Variants in DCAF1 observed in about 807,000 individuals in gnomAD.
The protein encoded by DCAF1 is DDB1- and CUL4-associated factor 1.
DCAF1 carries 15 observed loss-of-function variants against 128.0 expected under a neutral mutation model. The observed-to-expected ratio is 0.12, with a 90% CI of 0.08 to 0.18. DCAF1 has a LOEUF of 0.18. Among genes scored for constraint, DCAF1 ranks in the 10% least tolerant of loss-of-function variants. DCAF1 has a pLI of 1.00. For synonymous variants in DCAF1, 610 were observed against 603.0 expected, an observed-to-expected ratio of 1.01 and a Z score of -0.17; for missense variants, 988 against 1,649.5, an observed-to-expected ratio of 0.60 and a Z score of 6.95.
intron 6 of DCAF1, among the ~76,000 whole-genome samples, chr3:51,449,741 A>C (rs1402562410): frequency 6.6e-6 from 1 of 152,204 alleles, no homozygotes; most frequent in Non-Finnish European, 1.5e-5. Flanking sequence ...AAAATTGACA[A>C]ACTTTTGGCA....
Position 51,398,081 on chromosome 3 carries a change from A to AT in DCAF1, c.*687dup, listed in dbSNP as rs1165853087. ...GCCCCCAAACCATGAAGGTGAGTGAATTTAGGCATTTACCCAGCAGACAGA... is the reference window on the plus strand; with the variant it reads ...GCCCCCAAACCATGAAGGTGAGTGAATTTTAGGCATTTACCCAGCAGACAGA... On this transcript the variant is annotated 3_prime_UTR_variant, in exon 25 of 25. Transcript: ENST00000684031. 6.5e-6 allele frequency: 1 copy of AT among 153,854 alleles called. No individual in the cohort carries two copies. The highest frequency in any genetic ancestry group is 2.4e-5 in the African/African-American group (1 of 41,446). 9.5% of individuals were successfully genotyped at this position (153,854 alleles called of 1,614,324 possible). A position where few individuals can be genotyped will look rare whatever the true frequency, so the allele number is the denominator to read the frequency against.
At chr3:51,401,059 G>A (rs998827541) in intron 24 of DCAF1, among the ~76,000 whole-genome samples, 4 of 151,576 alleles carry the variant, frequency 2.6e-5, no homozygotes, top group Non-Finnish European at 5.9e-5. Context: ...ATGAACCCGG[G>A]AGGCGGAGCT....
chr3:51,447,001 A>ATAATAATAAT (rs1553640365), intron 6 of DCAF1, among the ~76,000 whole-genome samples: 2 of 148,490 alleles, frequency 1.3e-5, no homozygotes, highest in Non-Finnish European at 3.0e-5. Flanking sequence ...AATAATAATA[A>ATAATAATAAT]AATGTTTTAA....
At chr3:51,478,725 G>T (rs1705791611) in intron 3 of DCAF1, among the ~76,000 whole-genome samples, 1 of 151,982 alleles carries the variant, frequency 6.6e-6, no homozygotes, top group South Asian at 2.1e-4. Context: ...GTGGCCTCAA[G>T]CGATCCTCCT....
intron 5 of DCAF1, 66 bp from the exon 6 acceptor site, chr3:51,463,293 T>C (rs1017657329): frequency 1.1e-5 from 11 of 997,938 alleles, no homozygotes; most frequent in Admixed American, 3.0e-5. Context: ...GGACATCTAA[T>C]AAAACCTCAA....
chr3:51,451,855 C>G (rs1429123140), intron 6 of DCAF1, among the ~76,000 whole-genome samples: 1 of 151,030 alleles, frequency 6.6e-6, no homozygotes, highest in African/African-American at 2.4e-5. Flanking sequence ...ATAAAACCAA[C>G]TTAGTACACT....
At position 51,433,193 on chromosome 3, in the gene DCAF1, T is replaced by C. The variant is rs941692536; in HGVS notation, c.1200A>G (p.Leu400=). 5 of 398,456 alleles carry C rather than the reference T, an allele frequency of 1.3e-5. No homozygotes were observed. The highest frequency in any genetic ancestry group is 8.2e-5 in the African/African-American group (4 of 48,638). 24.7% of individuals were successfully genotyped at this position (398,456 alleles called of 1,614,324 possible). Residue 400 remains leucine, a synonymous_variant, in exon 10 of 25, where the codon TTA becomes TTG. Coordinates refer to ENST00000684031, the MANE Select transcript of DCAF1 (RefSeq NM_001387579.1). Reference sequence around the variant, plus strand: ...CCATAGAAGGACGAGGTATTTCCAGTAATTTCTGTACTCCACCATGCGCAA... The same window carrying C: ...CCATAGAAGGACGAGGTATTTCCAGCAATTTCTGTACTCCACCATGCGCAA... ...EFVAHGGVQK[L]LEIPRPSMAA...
intron 3 of DCAF1, among the ~76,000 whole-genome samples, chr3:51,476,355 C>T (rs1360846228): frequency 5.3e-5 from 8 of 151,778 alleles, no homozygotes; most frequent in African/African-American, 1.9e-4. Context: ...CGAGCCACTG[C>T]ACTCCAGCCT....
intron 6 of DCAF1, among the ~76,000 whole-genome samples, chr3:51,445,328 G>A (rs1283355706): frequency 6.6e-6 from 1 of 152,130 alleles, no homozygotes; most frequent in Non-Finnish European, 1.5e-5. Flanking sequence ...TTGTGATAGT[G>A]TATATATTTT....
chr3:51,399,076 C>G (rs1314487580), intron 24 of DCAF1, among the ~76,000 whole-genome samples: 1 of 152,228 alleles, frequency 6.6e-6, no homozygotes, highest in African/African-American at 2.4e-5. Context: ...TGCTTCCTGC[C>G]TGGGAGGCGC....
At chr3:51,500,108 C>T (rs1340319579), upstream of DCAF1, 1 of 106,580 alleles carries the variant, frequency 9.4e-6, no homozygotes, top group African/African-American at 3.7e-5. Flanking sequence ...AACGCCTGCA[C>T]GATCGGGGAA....
chr3:51,475,705 C>CA, intron 3 of DCAF1, among the ~76,000 whole-genome samples: 1 of 152,122 alleles, frequency 6.6e-6, no homozygotes, highest in Non-Finnish European at 1.5e-5. Context: ...ACTAAACATA[C>CA]AAAAAATTAG....
chr3:51,424,171 G>A (rs1255937587), intron 13 of DCAF1, among the ~76,000 whole-genome samples: 1 of 152,022 alleles, frequency 6.6e-6, no homozygotes, highest in Non-Finnish European at 1.5e-5. Flanking sequence ...GGAGACCAGG[G>A]CAGGTGGATC....
intron 6 of DCAF1, among the ~76,000 whole-genome samples, chr3:51,457,162 T>C (rs1408201958): frequency 6.6e-6 from 1 of 151,936 alleles, no homozygotes; most frequent in Non-Finnish European, 1.5e-5. Context: ...TTAAAAGCTT[T>C]GAAAAAAAAT....
chr3:51,499,535 G>C (rs1032098229), intron 1 of DCAF1, among the ~76,000 whole-genome samples: 14 of 152,100 alleles, frequency 9.2e-5, no homozygotes, highest in Non-Finnish European at 1.5e-4. Context: ...GAAGGAAAAA[G>C]AAAACAAGGG....
At chr3:51,398,852 C>T (rs782804979) in intron 24 of DCAF1, 25 bp from the exon 25 acceptor site, 5 of 1,569,640 alleles carry the variant, frequency 3.2e-6, no homozygotes, top group Non-Finnish European at 2.6e-6. Context: ...AAGGGAGAGA[C>T]AAGATTACAC....
intron 14 of DCAF1, among the ~76,000 whole-genome samples, chr3:51,422,040 C>T (rs1188134145): frequency 6.6e-6 from 1 of 152,096 alleles, no homozygotes. Context: ...AATGCCAGTA[C>T]CACTCAGAAA....
At chr3:51,491,704 G>A (rs782737647) in intron 2 of DCAF1, among the ~76,000 whole-genome samples, 1 of 151,306 alleles carries the variant, frequency 6.6e-6, no homozygotes, top group Non-Finnish European at 1.5e-5. Context: ...AAATTAGCCA[G>A]GCATGGTGGC....
intron 6 of DCAF1, among the ~76,000 whole-genome samples, chr3:51,449,090 T>C (rs1262580551): frequency 6.6e-6 from 1 of 152,118 alleles, no homozygotes; most frequent in Non-Finnish European, 1.5e-5. Context: ...CTTAAATAAC[T>C]AATGAGTCAA....
Sources: gnomAD v4.1 joint callset for allele counts (sites outside exome capture counted in the v4.1 genomes callset) on GRCh38, gnomAD v4.1.1 for gene constraint, MANE v1.5 for transcripts, NCBI Gene and HGNC (gene_info 2026-07-23, HGNC 2026-07-21) for gene names.